The following TBC1D1 variants were observed in gnomAD, a reference collection of about 807,000 sequenced individuals.
The protein encoded by TBC1D1 is TBC1 domain family member 1, also known as TBC1 (tre-2/USP6, BUB2, cdc16) domain family, member 1.
In TBC1D1, 89 loss-of-function variants were observed where a neutral mutation model predicts 125.6. The ratio of observed to expected loss-of-function variants is 0.71; its 90% CI spans 0.60 to 0.85. The LOEUF (loss-of-function observed/expected upper bound fraction) is 0.85, where lower values mean the gene tolerates loss of function less well. TBC1D1 is among the 40% of genes least tolerant of loss of function. The pLI is 0.00. For synonymous variants in TBC1D1, 565 were observed against 564.1 expected, an observed-to-expected ratio of 1.00 and a Z score of -0.02; for missense variants, 1,377 against 1,469.2, an observed-to-expected ratio of 0.94 and a Z score of 1.03.
At chr4:37,921,595 T>G (rs1162110133) in intron 2 of TBC1D1, among the ~76,000 whole-genome samples, 2 of 151,534 alleles carry the variant, frequency 1.3e-5, no homozygotes, top group African/African-American at 4.8e-5. Flanking sequence ...TTTTTTTTAG[T>G]TGAGATGGGG....
intron 2 of TBC1D1, among the ~76,000 whole-genome samples, chr4:37,945,791 T>C (rs1245363574): frequency 2.6e-5 from 4 of 152,186 alleles, no homozygotes; most frequent in Non-Finnish European, 4.4e-5. Context: ...TGTTTTACAT[T>C]CATGAAATGG....
In TBC1D1 at chr4:38,122,108, A is replaced by G. The variant is rs539567819; in HGVS notation, c.2963-2854A>G. Among the ~76,000 whole-genome samples, 6 of 152,136 alleles carry G rather than the reference A, an allele frequency of 3.9e-5. 1 individual carries two copies. The South Asian group carries it at 1.0e-3, about 26-fold the overall frequency. ...AGGGTTGGACGCTTTGAATGGGAGGAGTGGTGGTGAGTGGAGCATCTCTGG... is the reference window on the plus strand; with the variant it reads ...AGGGTTGGACGCTTTGAATGGGAGGGGTGGTGGTGAGTGGAGCATCTCTGG... On this transcript the variant is annotated intron_variant, in intron 17 of 19. Transcript: ENST00000261439.
At chr4:37,976,850 G>C (rs954062429) in intron 2 of TBC1D1, among the ~76,000 whole-genome samples, 2 of 152,136 alleles carry the variant, frequency 1.3e-5, no homozygotes, top group Non-Finnish European at 2.9e-5. Flanking sequence ...CCCACTTTTG[G>C]TCTCAATGGC....
In TBC1D1 at chr4:37,902,401, C is replaced by A; in HGVS notation, c.306C>A (p.His102Gln). The change falls in exon 2 of 20, where the codon CAC (histidine) becomes CAA (glutamine). Residue 102 changes from histidine to glutamine, a missense_variant. By Grantham distance (24) the His-to-Gln change is conservative. Transcript: ENST00000261439. ...TTGAGTGCAAGCCTCAGCGTGTTCA[C>A]AAACTGATTCACAACAGTCATGACC... 6.2e-7 allele frequency: 1 copy of A among 1,614,208 alleles called. No homozygotes were observed. Among genetic ancestry groups the A allele is most frequent in the East Asian group, 2.2e-5 (1 of 44,886 alleles).
At chr4:38,135,142 T>C (rs1368450824) in intron 19 of TBC1D1, among the ~76,000 whole-genome samples, 4 of 152,238 alleles carry the variant, frequency 2.6e-5, no homozygotes, top group African/African-American at 9.6e-5. Context: ...TTCAATACAG[T>C]ACTGAATTTT....
intron 2 of TBC1D1, among the ~76,000 whole-genome samples, chr4:37,950,911 G>A (rs2380954): frequency 0.11 from 16,756 of 151,694 alleles, 1,690 homozygotes; most frequent in East Asian, 0.44. Context: ...GGCACTTGCC[G>A]CCATGCCCAG....
intron 1 of TBC1D1, among the ~76,000 whole-genome samples, chr4:37,892,123 C>T (rs1203069254): frequency 2.0e-5 from 3 of 152,124 alleles, no homozygotes; most frequent in African/African-American, 7.2e-5. Flanking sequence ...TCATAGATTT[C>T]TCATTGTTTC....
intron 12 of TBC1D1, among the ~76,000 whole-genome samples, chr4:38,059,203 C>T (rs1303734435): frequency 6.6e-6 from 1 of 152,138 alleles, no homozygotes; most frequent in African/African-American, 2.4e-5. Flanking sequence ...TCCCAAATCC[C>T]AGACTATTTT....
At chr4:38,132,372 G>C (rs940188134) in intron 18 of TBC1D1, among the ~76,000 whole-genome samples, 1 of 152,158 alleles carries the variant, frequency 6.6e-6, no homozygotes, top group African/African-American at 2.4e-5. Context: ...TCTGCTTTCC[G>C]CCCTGCCTTC....
At chr4:37,948,161 A>G (rs1227196631) in intron 2 of TBC1D1, among the ~76,000 whole-genome samples, 1 of 152,192 alleles carries the variant, frequency 6.6e-6, no homozygotes, top group Admixed American at 6.5e-5. Context: ...AAGAACGGGC[A>G]GGTCCAGAAA....
chr4:38,118,482 G>T, intron 17 of TBC1D1: 2 of 312,520 alleles, frequency 6.4e-6, no homozygotes, highest in Non-Finnish European at 1.2e-5. Flanking sequence ...ACATTTGGAG[G>T]ACTTGGCTGA....
intron 2 of TBC1D1, among the ~76,000 whole-genome samples, chr4:37,989,858 T>A (rs1736203008): frequency 6.6e-6 from 1 of 152,226 alleles, no homozygotes. Flanking sequence ...CTGGTTTTTT[T>A]CGTCTCTCAG....
chr4:38,107,538 C>G (rs535304013), intron 15 of TBC1D1, among the ~76,000 whole-genome samples: 1 of 105,254 alleles, frequency 9.5e-6, no homozygotes, highest in South Asian at 3.0e-4. Flanking sequence ...TTTCCTGCCT[C>G]TTGTTATACT....
In TBC1D1 at chr4:38,125,141, A is replaced by G. The variant is rs573964592; in HGVS notation, c.3132+10A>G. ...AAAGACCATCAATCAGGTATGAGTC[A>G]GTCCAAACCTTGCAAATGCTTAAGC... On this transcript the variant is annotated intron_variant, in intron 18 of 19. Transcript: ENST00000261439. 2.2e-5 allele frequency: 36 copies of G among 1,612,650 alleles called. No individual in the cohort carries two copies. Among genetic ancestry groups the G allele is most frequent in the Middle Eastern group, 3.3e-4 (2 of 6,056 alleles).
At position 38,014,916 on chromosome 4, in the gene TBC1D1, C is replaced by T. The variant is rs959814043; in HGVS notation, c.825C>T (p.Ser275=). 4.4e-6 allele frequency: 7 copies of T among 1,592,106 alleles called. No individual in the cohort carries two copies. The highest frequency in any genetic ancestry group is 1.7e-4 in the Middle Eastern group (1 of 6,006). The change falls in exon 3 of 20, where the codon AGC becomes AGT. Residue 275 remains serine (S), a synonymous_variant. Coordinates refer to ENST00000261439, the MANE Select transcript of TBC1D1 (RefSeq NM_015173.4). This position sits in a 1 kb window ranked among gnomAD's most constrained non-coding sequence, Gnocchi z 5.1. Reference sequence around the variant, plus strand: ...GCGACATTGAGAACCACCTCATTAGCGGACACAATATTGTGCAGCCCACAG... The same window carrying T: ...GCGACATTGAGAACCACCTCATTAGTGGACACAATATTGTGCAGCCCACAG...
At chr4:38,089,857 C>A in intron 12 of TBC1D1, 75 bp from the exon 15 acceptor site, 1 of 1,387,242 alleles carries the variant, frequency 7.2e-7, no homozygotes, top group African/African-American at 1.5e-5. Flanking sequence ...ACAGAATTTG[C>A]TGATTTGACA....
intron 2 of TBC1D1, chr4:37,996,224 A>G: frequency 3.4e-6 from 1 of 292,524 alleles, no homozygotes; most frequent in Non-Finnish European, 7.0e-6. Flanking sequence ...CAGTTGCTGG[A>G]TCTCTGGTCT....
Position 38,096,535 on chromosome 4 carries a change from C to T in TBC1D1, c.2398+445C>T, listed in dbSNP as rs143225145. On this transcript the variant is annotated intron_variant, in intron 14 of 19. Coordinates refer to ENST00000261439, the MANE Select transcript of TBC1D1 (RefSeq NM_015173.4). The stretch of plus-strand genomic sequence containing the variant: ...TGATCTTAGACAAATGCCTCACCCT[C>T]TCTGAGCTCCAGTTTCTACAAGTGT... 7.3e-3 allele frequency among the ~76,000 whole-genome samples: 1,117 copies of T among 152,340 alleles called. 5 individuals are homozygous for T. Among genetic ancestry groups the T allele is most frequent in the South Asian group, 0.028 (135 of 4,830 alleles).
chr4:38,121,151 T>C (rs1413661512), intron 17 of TBC1D1, among the ~76,000 whole-genome samples: 2 of 152,226 alleles, frequency 1.3e-5, no homozygotes, highest in African/African-American at 4.8e-5. Context: ...TGCACAGCAC[T>C]GTCATCAGCC....
Sources: gnomAD v4.1 joint callset for allele counts (sites outside exome capture counted in the v4.1 genomes callset) on GRCh38, gnomAD v4.1.1 for gene constraint, Gnocchi (gnomAD v3.1) non-coding constraint, MANE v1.5 for transcripts, NCBI Gene and HGNC (gene_info 2026-07-23, HGNC 2026-07-21) for gene names.